The following SLC24A3 variants were observed in gnomAD, a reference collection of about 807,000 sequenced individuals.
The protein encoded by SLC24A3 is sodium/potassium/calcium exchanger 3.
Under a neutral mutation model 75.8 loss-of-function variants are expected in SLC24A3, and 28 were observed. The ratio of observed to expected loss-of-function variants is 0.37; its 90% confidence interval spans 0.27 to 0.51. SLC24A3 has a LOEUF of 0.51. SLC24A3 is among the 20% of genes least tolerant of loss of function. The probability of loss-of-function intolerance (pLI) is 0.94; values close to 1 mark genes in which losing one functional copy is unlikely to be tolerated. For synonymous variants in SLC24A3, 372 were observed against 334.1 expected (o/e 1.11, Z -1.24); for missense variants, 663 against 847.8 (o/e 0.78, Z 2.71).
At chr20:19,345,002 G>A (rs956248111) in intron 2 of SLC24A3, among the ~76,000 whole-genome samples, 3 of 152,132 alleles carry the variant, frequency 2.0e-5, no homozygotes, top group Admixed American at 2.0e-4. Flanking sequence ...GACCAGAAAA[G>A]CAAAGAAAAG....
At chr20:19,295,004 G>C (rs1357125138) in intron 2 of SLC24A3, among the ~76,000 whole-genome samples, 2 of 151,972 alleles carry the variant, frequency 1.3e-5, no homozygotes, top group African/African-American at 4.8e-5. Flanking sequence ...ATTCTAACTG[G>C]CTCGAGATTG....
At chr20:19,368,101 A>AGT (rs111902133) in intron 2 of SLC24A3, among the ~76,000 whole-genome samples, 2,807 of 151,048 alleles carry the variant, frequency 0.019, 69 homozygotes, top group African/African-American at 0.061. Flanking sequence ...TATGAATGTG[A>AGT]GTGTGTGTGT....
rs530314947 is a variant in SLC24A3, at chr20:19,603,855, C to T, written c.612+18311C>T. 1.2e-4 allele frequency among the ~76,000 whole-genome samples: 18 copies of T among 152,260 alleles called. No individual in the cohort carries two copies. The South Asian group carries it at 1.7e-3, about 14-fold the overall frequency. Reference sequence around the variant, plus strand: ...CATCCTGGTGCACACCGAGCTGGTGCGTATGAGAGCAACTGAGCAATGGTA... The same window carrying T: ...CATCCTGGTGCACACCGAGCTGGTGTGTATGAGAGCAACTGAGCAATGGTA... On this transcript the variant is annotated intron_variant, in intron 6 of 16. Coordinates refer to ENST00000328041, the MANE Select transcript of SLC24A3 (RefSeq NM_020689.4).
At chr20:19,511,328 ATT>A (rs11478021) in intron 2 of SLC24A3, among the ~76,000 whole-genome samples, 51 of 140,702 alleles carry the variant, frequency 3.6e-4, no homozygotes, top group African/African-American at 5.8e-4. Flanking sequence ...GCTTAGCTCA[ATT>A]TTTTTTTTTT....
chr20:19,270,010 C>T (rs1983278536), intron 1 of SLC24A3, among the ~76,000 whole-genome samples: 3 of 152,198 alleles, frequency 2.0e-5, no homozygotes, highest in Non-Finnish European at 4.4e-5. Context: ...TACGATTTCT[C>T]TTCCAACGGC....
intron 12 of SLC24A3, among the ~76,000 whole-genome samples, chr20:19,690,799 T>A (rs1014376711): frequency 6.6e-6 from 1 of 152,238 alleles, no homozygotes; most frequent in African/African-American, 2.4e-5. Context: ...CATCATTCAC[T>A]TGACCATCTC....
At chr20:19,378,289 TAAA>T (rs921230331) in intron 2 of SLC24A3, among the ~76,000 whole-genome samples, 55 of 148,300 alleles carry the variant, frequency 3.7e-4, no homozygotes, top group African/African-American at 1.3e-3. Context: ...GAGGTTTTTT[TAAA>T]AAAAAAAAAT....
chr20:19,257,719 T>C (rs1982858914), intron 1 of SLC24A3: 1 of 152,256 alleles, frequency 6.6e-6, no homozygotes, highest in Non-Finnish European at 1.5e-5. Context: ...AGTGTGTTCA[T>C]GTCCATAAAA....
chr20:19,254,784 G>A (rs973513027), intron 1 of SLC24A3, among the ~76,000 whole-genome samples: 31 of 152,110 alleles, frequency 2.0e-4, no homozygotes, highest in African/African-American at 7.0e-4. Flanking sequence ...AGGGTTTCCT[G>A]GAGTTCCAGG....
intron 6 of SLC24A3, among the ~76,000 whole-genome samples, chr20:19,607,476 C>A (rs2122659420): frequency 6.6e-6 from 1 of 152,310 alleles, no homozygotes; most frequent in East Asian, 1.9e-4. Flanking sequence ...CCTTCTGAGG[C>A]AGGCTCCAAT....
chr20:19,667,254 A>G (rs2032409446), intron 8 of SLC24A3, among the ~76,000 whole-genome samples: 1 of 152,250 alleles, frequency 6.6e-6, no homozygotes, highest in Non-Finnish European at 1.5e-5. Flanking sequence ...AGGAGGAGAC[A>G]GCTAGGAGAA....
At chr20:19,308,354 C>T (rs1323444346) in intron 2 of SLC24A3, among the ~76,000 whole-genome samples, 2 of 152,210 alleles carry the variant, frequency 1.3e-5, no homozygotes, top group African/African-American at 4.8e-5. Flanking sequence ...AAGCTTCTAG[C>T]TAGACAGGGA....
At chr20:19,625,596 A>G (rs892691086) in intron 6 of SLC24A3, among the ~76,000 whole-genome samples, 10 of 152,202 alleles carry the variant, frequency 6.6e-5, no homozygotes, top group Non-Finnish European at 1.0e-4. Context: ...GTCCATCGTC[A>G]GTATTACCAC....
At chr20:19,344,786 C>T (rs1985351646) in intron 2 of SLC24A3, among the ~76,000 whole-genome samples, 1 of 152,164 alleles carries the variant, frequency 6.6e-6, no homozygotes, top group South Asian at 2.1e-4. Context: ...TGGTCTGTGG[C>T]CAGAGAAAGC....
intron 6 of SLC24A3, among the ~76,000 whole-genome samples, chr20:19,626,142 C>T (rs2031863722): frequency 6.6e-6 from 1 of 152,042 alleles, no homozygotes; most frequent in African/African-American, 2.4e-5. Flanking sequence ...GTCACTAAGT[C>T]CAATCAAAAT....
chr20:19,395,163 A>G (rs967347122), intron 2 of SLC24A3, among the ~76,000 whole-genome samples: 2 of 152,176 alleles, frequency 1.3e-5, no homozygotes, highest in Non-Finnish European at 2.9e-5. Flanking sequence ...AGGAAGTTGG[A>G]TGGTGGTTGC....
At chr20:19,515,307 GGTTGC>G in intron 2 of SLC24A3, among the ~76,000 whole-genome samples, 176 bp from the exon 3 acceptor site, 1 of 152,140 alleles carries the variant, frequency 6.6e-6, no homozygotes, top group African/African-American at 2.4e-5. Context: ...TACTGTGGTT[GGTTGC>G]CCACGTTCTT....
chr20:19,642,807 T>C (rs1042928697), intron 6 of SLC24A3, among the ~76,000 whole-genome samples: 3 of 152,380 alleles, frequency 2.0e-5, no homozygotes, highest in African/African-American at 4.8e-5. Flanking sequence ...GGTTGACTTA[T>C]TGGCTGCCTT....
At chr20:19,294,830 T>C (rs1984023955) in intron 2 of SLC24A3, among the ~76,000 whole-genome samples, 1 of 152,224 alleles carries the variant, frequency 6.6e-6, no homozygotes, top group African/African-American at 2.4e-5. Flanking sequence ...TCAAATGGTA[T>C]TTCTGTTTTT....
Sources: allele counts gnomAD v4.1 joint callset (sites outside exome capture counted in the v4.1 genomes callset), GRCh38; gene constraint gnomAD v4.1.1; transcripts MANE v1.5; gene names NCBI Gene and HGNC (gene_info 2026-07-23, HGNC 2026-07-21).